The following LAMB1 variants were observed in gnomAD, a reference collection of about 807,000 sequenced individuals.
LAMB1 encodes the protein laminin subunit beta 1.
LAMB1 carries 121 observed loss-of-function variants against 222.3 expected under a neutral mutation model. That is an observed-to-expected ratio of 0.54 (90% confidence interval 0.47 to 0.63). LAMB1 has a LOEUF of 0.63. Ranked by LOEUF, LAMB1 falls within the 30% of genes least tolerant of loss-of-function variation. LAMB1 has a pLI of 0.00. For synonymous variants in LAMB1, 794 were observed against 807.2 expected (o/e 0.98, Z 0.28); for missense variants, 2,172 against 2,240.8 (o/e 0.97, Z 0.62).
At chr7:107,983,842 G>A (rs1218796722) in intron 7 of LAMB1, among the ~76,000 whole-genome samples, 1 of 151,936 alleles carries the variant, frequency 6.6e-6, no homozygotes, top group Non-Finnish European at 1.5e-5. Flanking sequence ...TACCATACAT[G>A]CCTCCCAAGA....
intron 15 of LAMB1, 65 bp from the exon 16 acceptor site, chr7:107,961,741 C>A: frequency 6.5e-7 from 1 of 1,529,754 alleles, no homozygotes; most frequent in East Asian, 2.3e-5. Flanking sequence ...AAAAAGACCT[C>A]TCTGAATCAA....
At chr7:107,924,513 G>T in intron 32 of LAMB1, 124 bp from the exon 33 acceptor site, 1 of 636,808 alleles carries the variant, frequency 1.6e-6, no homozygotes, top group South Asian at 3.2e-5. Flanking sequence ...TCACTGGTAA[G>T]TAATTTAAAA....
At chr7:107,989,377 A>G (rs1380892096) in intron 5 of LAMB1, among the ~76,000 whole-genome samples, 1 of 152,228 alleles carries the variant, frequency 6.6e-6, no homozygotes, top group African/African-American at 2.4e-5. Context: ...ATTAAAACCA[A>G]CGCTTGACAG....
chr7:107,983,549 T>C (rs983398374), intron 7 of LAMB1, among the ~76,000 whole-genome samples: 2 of 137,968 alleles, frequency 1.4e-5, no homozygotes, highest in African/African-American at 5.5e-5. Context: ...CCAAAGCCCT[T>C]TTTTTTTTTT....
chr7:107,972,900 C>T lies in LAMB1; in HGVS notation c.1562+92G>A, dbSNP rs985138974. The T allele has an allele frequency of 5.9e-6, 6 of 1,021,058 alleles. No homozygotes were observed. The African/African-American group carries it at 9.5e-5, about 16-fold the overall frequency. The allele number at this position is 1,021,058 out of a possible 1,614,324, so 63.2% of individuals were successfully genotyped here. On this transcript the variant is annotated intron_variant, in intron 13 of 33. Transcript: ENST00000222399. ...GACATACAAAAAATATTTTGCATGT[C>T]TTTTTGAGAAACAACTGAATGTCAC...
rs760399671 is a variant in LAMB1 at position 107,940,214 on chromosome 7, C to T, written c.3536G>A (p.Cys1179Tyr). The T allele has an allele frequency of 6.2e-7, 1 of 1,614,068 alleles. No individual in the cohort carries two copies. The highest frequency in any genetic ancestry group is 1.3e-5 in the African/African-American group (1 of 74,920). ...ATCCCAGAGAGCAAAGCACTGGTGG[C>T]AGGGTGTGCAGTCAGGGAAGACCCC... is the stretch of plus-strand genomic sequence containing the variant. ...YSGVFPDCTP[C>Y]HQCFALWDVI... The change falls in exon 25 of 34, where the codon TGC (cysteine) becomes TAC (tyrosine). Residue 1179 changes from cysteine (C) to tyrosine (Y), a missense_variant. Cys to Tyr is a radical substitution (Grantham distance 194). Coordinates refer to ENST00000222399, the MANE Select transcript of LAMB1 (RefSeq NM_002291.3).
chr7:107,986,240 T>G lies in LAMB1; in HGVS notation c.547A>C (p.Lys183Gln). Residue 183 changes from lysine (K) to glutamine (Q), a missense_variant, in exon 6 of 34, where the codon AAA (lysine) becomes CAA (glutamine). Transcript: ENST00000222399. ...SFPGISTGPM[K>Q]KVDDIICDSR... Reference sequence around the variant, plus strand: ...TCACAAATTATGTCATCGACTTTTTTCATGGGGCCAGTTGAAATGCCTGGA... The same window carrying G: ...TCACAAATTATGTCATCGACTTTTTGCATGGGGCCAGTTGAAATGCCTGGA... 6.2e-7 allele frequency: 1 copy of G among 1,614,204 alleles called. No individual in the cohort carries two copies. Among genetic ancestry groups the G allele is most frequent in the Non-Finnish European group, 8.5e-7 (1 of 1,180,028 alleles).
intron 5 of LAMB1, among the ~76,000 whole-genome samples, chr7:107,993,215 C>A (rs998455591): frequency 2.0e-5 from 3 of 152,314 alleles, no homozygotes; most frequent in Admixed American, 2.0e-4. Flanking sequence ...CTCACTGCAA[C>A]CTTCGCCTGC....
chr7:107,985,631 A>G (rs1401085227), intron 7 of LAMB1, among the ~76,000 whole-genome samples: 2 of 147,512 alleles, frequency 1.4e-5, no homozygotes, highest in Non-Finnish European at 3.0e-5. Flanking sequence ...CTCCATCTCA[A>G]AAAAACAAAA....
At chr7:107,939,881 G>C in intron 25 of LAMB1, 108 bp downstream of exon 25, 1 of 1,270,652 alleles carries the variant, frequency 7.9e-7, no homozygotes, top group South Asian at 1.4e-5. Flanking sequence ...TCACCCACAG[G>C]ACTAACAAAA....
At chr7:107,955,115 G>T (rs2033347129) in intron 21 of LAMB1, among the ~76,000 whole-genome samples, 1 of 152,130 alleles carries the variant, frequency 6.6e-6, no homozygotes, top group African/African-American at 2.4e-5. Flanking sequence ...CTACTATTTG[G>T]TAACCTCACA....
intron 3 of LAMB1, among the ~76,000 whole-genome samples, 184 bp from the exon 4 acceptor site, chr7:107,998,676 T>C (rs2034325700): frequency 6.6e-6 from 1 of 152,026 alleles, no homozygotes; most frequent in Admixed American, 6.5e-5. Context: ...GAGTCTAAAA[T>C]AGTCTTGAAA....
At chr7:107,983,193 T>C (rs769753476) in intron 7 of LAMB1, among the ~76,000 whole-genome samples, 10 of 152,210 alleles carry the variant, frequency 6.6e-5, no homozygotes, top group Non-Finnish European at 1.2e-4. Flanking sequence ...AAAATTAATT[T>C]AAATGGGGAA....
chr7:107,959,211 A>G (rs1200758222), intron 20 of LAMB1, 38 bp downstream of exon 20: 1 of 1,522,536 alleles, frequency 6.6e-7, no homozygotes, highest in Non-Finnish European at 9.1e-7. Context: ...GCTCAGCCAG[A>G]GATCACTACA....
intron 27 of LAMB1, 64 bp downstream of exon 27, chr7:107,935,351 T>TTTG: frequency 5.1e-6 from 2 of 394,648 alleles, no homozygotes; most frequent in South Asian, 1.5e-4. Flanking sequence ...TTCTTTGTTT[T>TTTG]TTTTTTTTTT....
intron 27 of LAMB1, among the ~76,000 whole-genome samples, chr7:107,933,122 A>G (rs1242015797): frequency 6.6e-6 from 1 of 152,230 alleles, no homozygotes; most frequent in African/African-American, 2.4e-5. Flanking sequence ...CTTACCTACC[A>G]AAACCTCTCA....
chr7:107,936,981 A>C, intron 26 of LAMB1, 112 bp downstream of exon 26: 1 of 892,828 alleles, frequency 1.1e-6, no homozygotes, highest in Non-Finnish European at 1.7e-6. Context: ...GATGAGCAAA[A>C]GTTTTAAAAT....
At chr7:107,939,639 C>T (rs1358116191) in intron 25 of LAMB1, among the ~76,000 whole-genome samples, 2 of 152,182 alleles carry the variant, frequency 1.3e-5, no homozygotes, top group East Asian at 3.8e-4. Flanking sequence ...CATCCAAGTT[C>T]ACAAGCCTAG....
chr7:107,954,953 G>A (rs556796071), intron 21 of LAMB1, among the ~76,000 whole-genome samples: 1 of 147,394 alleles, frequency 6.8e-6, no homozygotes, highest in South Asian at 2.2e-4. Context: ...ATCAGTATTT[G>A]TAACAGTGGC....
Sources: gnomAD v4.1 joint callset for allele counts (sites outside exome capture counted in the v4.1 genomes callset) on GRCh38, gnomAD v4.1.1 for gene constraint, MANE v1.5 for transcripts, NCBI Gene and HGNC (gene_info 2026-07-23, HGNC 2026-07-21) for gene names.